AP4S1: variants seen among roughly 807,000 people sequenced by gnomAD.
AP4S1 encodes adaptor related protein complex 4 subunit sigma 1, also known as AP-4 complex subunit sigma-1.
AP4S1 carries 23 observed loss-of-function variants against 19.8 expected under a neutral mutation model. The ratio of observed to expected loss-of-function variants is 1.16; its 90% CI spans 0.84 to 1.65. AP4S1 has a LOEUF of 1.65. Among genes scored for constraint, AP4S1 ranks in the 40% most tolerant of loss-of-function variants. The probability of loss-of-function intolerance (pLI) is 0.00; values close to 1 mark genes in which losing one functional copy is unlikely to be tolerated. For missense variants in AP4S1, 166 were observed against 172.8 expected (o/e 0.96, Z 0.22); for synonymous variants, 46 against 54.1 (o/e 0.85, Z 0.66).
In AP4S1 at chr14:31,080,560, T is replaced by C. The variant is rs369709330; in HGVS notation, c.295-13T>C. ...CTTTTTTCTAACCCTTGCACTCTTT[T>C]TCTGTCTTCCAGAGTGAATTAGATG... On this transcript the variant is annotated splice_polypyrimidine_tract_variant and intron_variant, in intron 4 of 5. Coordinates refer to ENST00000542754, the MANE Select transcript of AP4S1 (RefSeq NM_001128126.3). 5.7e-5 allele frequency: 92 copies of C among 1,607,926 alleles called. No individual in the cohort carries two copies. The highest frequency in any genetic ancestry group is 7.5e-5 in the Non-Finnish European group (88 of 1,174,702).
At chr14:31,088,289 T>C (rs1887977217) in intron 5 of AP4S1, among the ~76,000 whole-genome samples, 1 of 152,164 alleles carries the variant, frequency 6.6e-6, no homozygotes, top group African/African-American at 2.4e-5. Flanking sequence ...CCCTATTCCT[T>C]TTGTTCCATT....
rs1300352171 is a variant in AP4S1 at position 31,025,990 on chromosome 14, G to A, written c.-72+203G>A. ...TGCTGGATGTAGTGCAGTATCCCCG[G>A]GATAGTGTACTGCTGCGGCCGGGAC... On this transcript the variant is annotated intron_variant, in intron 1 of 5. Transcript: ENST00000542754. 4 of 1,568,284 alleles carry A rather than the reference G, an allele frequency of 2.6e-6. No individual in the cohort carries two copies. The South Asian group carries it at 3.5e-5, about 14-fold the overall frequency.
chr14:31,069,981 C>G, intron 3 of AP4S1, 52 bp downstream of exon 3: 1 of 1,428,316 alleles, frequency 7.0e-7, no homozygotes, highest in Non-Finnish European at 9.9e-7. Context: ...TTCTACTTGC[C>G]TCCCTAAGAA....
chr14:31,073,504 C>A (rs1887177472), intron 4 of AP4S1, among the ~76,000 whole-genome samples: 1 of 150,606 alleles, frequency 6.6e-6, no homozygotes, highest in Non-Finnish European at 1.5e-5. Flanking sequence ...AAAAAAAAAA[C>A]CCTCTTATTT....
At chr14:31,065,769 C>T (rs939904549) in intron 1 of AP4S1, among the ~76,000 whole-genome samples, 1 of 152,090 alleles carries the variant, frequency 6.6e-6, no homozygotes, top group Non-Finnish European at 1.5e-5. Context: ...CACACCATTC[C>T]CCTGCCTCAG....
At chr14:31,043,709 A>G (rs1885240298) in intron 1 of AP4S1, among the ~76,000 whole-genome samples, 1 of 152,226 alleles carries the variant, frequency 6.6e-6, no homozygotes, top group Non-Finnish European at 1.5e-5. Flanking sequence ...TGTTTTTGTT[A>G]TGTACAAACA....
intron 1 of AP4S1, among the ~76,000 whole-genome samples, chr14:31,035,766 G>A (rs1372833989): frequency 1.3e-5 from 2 of 148,916 alleles, no homozygotes; most frequent in African/African-American, 5.0e-5. Context: ...GTCTCGATCT[G>A]TCACCCAGGC....
chr14:31,049,453 A>G (rs181300546), intron 1 of AP4S1, among the ~76,000 whole-genome samples: 12,062 of 55,440 alleles, frequency 0.22, 1,477 homozygotes, highest in Non-Finnish European at 0.26. Flanking sequence ...ATATATATAT[A>G]TATATATATG....
chr14:31,080,209 T>G (rs972163437), intron 4 of AP4S1, among the ~76,000 whole-genome samples: 9 of 152,236 alleles, frequency 5.9e-5, no homozygotes, highest in Admixed American at 5.9e-4. Flanking sequence ...AATTTTTTCC[T>G]TAGGATAAAC....
chr14:31,055,728 T>TTGTG (rs34788529), intron 1 of AP4S1, among the ~76,000 whole-genome samples: 2 of 152,086 alleles, frequency 1.3e-5, no homozygotes, highest in African/African-American at 2.4e-5. Context: ...ACCTTAGTGT[T>TTGTG]TGTGTGTGTA....
intron 1 of AP4S1, among the ~76,000 whole-genome samples, chr14:31,050,308 C>T (rs187195640): frequency 2.1e-3 from 317 of 152,308 alleles, no homozygotes; most frequent in Non-Finnish European, 3.8e-3. Context: ...GATCTGCCCA[C>T]CTCAGCCTCC....
intron 1 of AP4S1, among the ~76,000 whole-genome samples, chr14:31,038,832 C>G (rs1034959461): frequency 6.6e-6 from 1 of 152,148 alleles, no homozygotes; most frequent in Non-Finnish European, 1.5e-5. Context: ...TGTTATTATG[C>G]TCTGTTCCTG....
chr14:31,071,490 G>A lies in AP4S1; in HGVS notation c.226-1415G>A, dbSNP rs532604312. ...GGCTGGAGTGCAATGGCATGATCTC[G>A]GCTCACTGCAACCCCTGCCTCCTGG... On this transcript the variant is annotated intron_variant, in intron 3 of 5. Transcript: ENST00000542754. Among the ~76,000 whole-genome samples the A allele has an allele frequency of 7.0e-4, 107 of 152,244 alleles. 1 individual carries two copies. Among genetic ancestry groups the A allele is most frequent in the African/African-American group, 2.5e-3 (103 of 41,546 alleles).
chr14:31,095,115 G>A lies in AP4S1; in HGVS notation c.*2080G>A, dbSNP rs1450632886. ...AGGCTGAGATGGGAGAATTGATCAA[G>A]CCTAGGAGTTTGAGGCTGCAGTGAA... On this transcript the variant is annotated 3_prime_UTR_variant, in exon 6 of 6. Coordinates refer to ENST00000542754, the MANE Select transcript of AP4S1 (RefSeq NM_001128126.3). The A allele has an allele frequency of 6.6e-6, 1 of 152,230 alleles. No homozygotes were observed. Among genetic ancestry groups the A allele is most frequent in the Non-Finnish European group, 1.5e-5 (1 of 68,046 alleles). The allele number at this position is 152,230 out of a possible 1,614,324, so 9.4% of individuals were successfully genotyped here.
At chr14:31,083,762 G>C (rs1887785329) in intron 5 of AP4S1, 1 of 335,254 alleles carries the variant, frequency 3.0e-6, no homozygotes, top group African/African-American at 2.2e-5. Context: ...CTCCTGCCTT[G>C]GCCTCCCAAA....
At position 31,073,208 on chromosome 14, in the gene AP4S1, T is replaced by A. The variant is rs575826845; in HGVS notation, c.294+235T>A. 1.0e-4 allele frequency: 46 copies of A among 456,000 alleles called. 1 individual carries two copies. The highest frequency in any genetic ancestry group is 7.4e-4 in the African/African-American group (37 of 50,134). The allele number at this position is 456,000 out of a possible 1,614,324, so 28.2% of individuals were successfully genotyped here. On this transcript the variant is annotated intron_variant, in intron 4 of 5. Coordinates refer to ENST00000542754, the MANE Select transcript of AP4S1 (RefSeq NM_001128126.3). ...TGGAAAAAAAAAAAAAAACCTCTTATAGCAGGGCGCGATGGCTCACGCCTG... is the reference window on the plus strand; with the variant it reads ...TGGAAAAAAAAAAAAAAACCTCTTAAAGCAGGGCGCGATGGCTCACGCCTG...
At chr14:31,082,605 G>C (rs543552597) in intron 5 of AP4S1, among the ~76,000 whole-genome samples, 48 of 152,304 alleles carry the variant, frequency 3.2e-4, no homozygotes, top group African/African-American at 1.1e-3. Flanking sequence ...ATTAAGACTA[G>C]AAGAGCTTTG....
intron 4 of AP4S1, 53 bp from the exon 5 acceptor site, chr14:31,080,520 A>T: frequency 6.9e-7 from 1 of 1,439,746 alleles, no homozygotes; most frequent in Non-Finnish European, 9.8e-7. Flanking sequence ...TGCTAAGAGC[A>T]GTGGTCCCCA....
rs117721122 is a variant in AP4S1 at position 31,062,977 on chromosome 14, A to C, written c.-71-3149A>C. Among the ~76,000 whole-genome samples, 141 of 152,008 alleles carry C rather than the reference A, an allele frequency of 9.3e-4. No homozygotes were observed. In the East Asian group the frequency reaches 0.017, roughly 19 times the overall value. On this transcript the variant is annotated intron_variant, in intron 1 of 5. Transcript: ENST00000542754. Reference sequence around the variant, plus strand: ...GCACGAGACTCCGTTTCCAAAAAAAAAAAAAATCACTAGGAATTTATGTTA... The same window carrying C: ...GCACGAGACTCCGTTTCCAAAAAAACAAAAAATCACTAGGAATTTATGTTA...
Sources: allele counts gnomAD v4.1 joint callset (sites outside exome capture counted in the v4.1 genomes callset), GRCh38; gene constraint gnomAD v4.1.1; transcripts MANE v1.5; gene names NCBI Gene and HGNC (gene_info 2026-07-23, HGNC 2026-07-21).